PAX3: variants seen among roughly 807,000 people sequenced by gnomAD.
PAX3 encodes paired box protein Pax-3.
A neutral mutation model predicts 51.6 loss-of-function variants in PAX3; 14 were observed. The observed-to-expected ratio is 0.27, with a 90% CI of 0.18 to 0.42. The LOEUF (loss-of-function observed/expected upper bound fraction) is 0.42, where lower values mean the gene tolerates loss of function less well. PAX3 is among the 10% of genes least tolerant of loss of function. PAX3 has a pLI of 1.00. For synonymous variants in PAX3, 280 were observed against 253.4 expected, an observed-to-expected ratio of 1.11 and a Z score of -1.00; for missense variants, 540 against 642.8, an observed-to-expected ratio of 0.84 and a Z score of 1.73.
intron 7 of PAX3, 66 bp downstream of exon 7, chr2:222,220,074 C>T (rs1692124937): frequency 1.6e-5 from 22 of 1,358,160 alleles, no homozygotes; most frequent in Non-Finnish European, 2.3e-5. Context: ...TACACTACTG[C>T]CTCAGGGAAT....
intron 4 of PAX3, among the ~76,000 whole-genome samples, chr2:222,267,647 T>C (rs1694099856): frequency 6.6e-6 from 1 of 152,274 alleles, no homozygotes; most frequent in East Asian, 1.9e-4. Flanking sequence ...CCAAGACACC[T>C]AAGGAAATTT....
Position 222,297,208 on chromosome 2 carries a change from T to C in PAX3, c.91A>G (p.Thr31Ala), listed in dbSNP as rs763759876. ...PRSGFPLEVS[T>A]PLGQGRVNQL... ...TTGACGCGGCCCTGGCCGAGGGGAG[T>C]GGACACTGTGGGAAGGTGAAAAAGA... Residue 31 changes from threonine (T) to alanine (A), a missense_variant, in exon 2 of 9, where the codon ACT becomes GCT. By Grantham distance (58) the Thr-to-Ala change is moderately conservative. Coordinates refer to ENST00000392070, the MANE Select transcript of PAX3 (RefSeq NM_181458.4). 1.3e-6 allele frequency: 2 copies of C among 1,572,166 alleles called. No homozygotes were observed. The highest frequency in any genetic ancestry group is 1.7e-6 in the Non-Finnish European group (2 of 1,157,960).
At chr2:222,273,996 C>A (rs954113363) in intron 4 of PAX3, among the ~76,000 whole-genome samples, 2 of 151,986 alleles carry the variant, frequency 1.3e-5, no homozygotes, top group South Asian at 4.2e-4. Flanking sequence ...TTATTTGGTT[C>A]CTAGAAAAAT....
chr2:222,216,334 T>C (rs1423323999), intron 7 of PAX3, among the ~76,000 whole-genome samples: 1 of 152,310 alleles, frequency 6.6e-6, no homozygotes, highest in East Asian at 1.9e-4. Flanking sequence ...ATGAAAATAT[T>C]CCCCAGATAT....
Position 222,201,374 on chromosome 2 carries a change from CAG to C in PAX3, c.*32_*33del. The C allele has an allele frequency of 6.2e-7, 1 of 1,611,418 alleles. No homozygotes were observed. The highest frequency in any genetic ancestry group is 2.3e-5 in the East Asian group (1 of 44,278). On this transcript the variant is annotated 3_prime_UTR_variant, in exon 9 of 9. Coordinates refer to ENST00000392070, the MANE Select transcript of PAX3 (RefSeq NM_181458.4). ...ATATCTAGGCTGCGAAGACCAGAAA[CAG>C]GGCCAGTTTTAGCTCCAAGTGGACA... is the stretch of plus-strand genomic sequence containing the variant.
intron 4 of PAX3, among the ~76,000 whole-genome samples, chr2:222,253,422 T>C (rs1438677017): frequency 2.6e-5 from 4 of 152,160 alleles, no homozygotes; most frequent in Non-Finnish European, 5.9e-5. Flanking sequence ...CATTTTAGAG[T>C]ATGACTTAGC....
At chr2:222,243,515 G>A (rs1467821757) in intron 4 of PAX3, among the ~76,000 whole-genome samples, 1 of 152,220 alleles carries the variant, frequency 6.6e-6, no homozygotes, top group Non-Finnish European at 1.5e-5. Flanking sequence ...GCAAAAGAAA[G>A]TGTCAGTGTA....
intron 7 of PAX3, among the ~76,000 whole-genome samples, chr2:222,211,327 A>G (rs908463377): frequency 2.1e-4 from 32 of 152,192 alleles, no homozygotes; most frequent in Non-Finnish European, 3.2e-4. Flanking sequence ...TAGTTTAAAC[A>G]GTTTATGTGA....
intron 4 of PAX3, among the ~76,000 whole-genome samples, chr2:222,259,561 G>A (rs2106140872): frequency 6.6e-6 from 1 of 152,258 alleles, no homozygotes; most frequent in East Asian, 1.9e-4. Context: ...CACCGGTTGT[G>A]TTTAAAGAAA....
At chr2:222,289,790 C>T (rs747724748) in intron 4 of PAX3, among the ~76,000 whole-genome samples, 1 of 152,140 alleles carries the variant, frequency 6.6e-6, no homozygotes, top group Non-Finnish European at 1.5e-5. Context: ...TAGAACACGG[C>T]GTGGTGTTCT....
chr2:222,203,927 T>C lies in PAX3; in HGVS notation c.1174-1737A>G, dbSNP rs187776945. Among the ~76,000 whole-genome samples the C allele has an allele frequency of 2.6e-5, 4 of 152,310 alleles. No homozygotes were observed. The East Asian group carries it at 5.8e-4, about 22-fold the overall frequency. ...CCCAGAAATCCTGTTTTTCATTTTGTTGTCTCTCTTTCATTTGAGTTATTG... is the reference window on the plus strand; with the variant it reads ...CCCAGAAATCCTGTTTTTCATTTTGCTGTCTCTCTTTCATTTGAGTTATTG... On this transcript the variant is annotated intron_variant, in intron 7 of 8. Transcript: ENST00000392070.
intron 7 of PAX3, among the ~76,000 whole-genome samples, chr2:222,212,722 C>A (rs1044894942): frequency 6.6e-5 from 10 of 151,994 alleles, no homozygotes; most frequent in Non-Finnish European, 1.3e-4. Flanking sequence ...CACATTCATC[C>A]CCTAATTGAA....
At chr2:222,205,314 C>A (rs1363402867) in intron 7 of PAX3, among the ~76,000 whole-genome samples, 3 of 152,110 alleles carry the variant, frequency 2.0e-5, no homozygotes, top group African/African-American at 7.2e-5. Flanking sequence ...GGAAGGACAC[C>A]TGCAGGGTCT....
chr2:222,294,016 C>A, intron 4 of PAX3, 151 bp downstream of exon 4: 1 of 1,546,554 alleles, frequency 6.5e-7, no homozygotes, highest in South Asian at 1.3e-5. Context: ...TCTGGTCTTT[C>A]AGTTCCATGT....
chr2:222,248,991 G>A (rs570276784), intron 4 of PAX3, among the ~76,000 whole-genome samples: 3 of 152,076 alleles, frequency 2.0e-5, no homozygotes, highest in Non-Finnish European at 4.4e-5. Context: ...GTTAATTTTG[G>A]AGGCATTCAC....
At chr2:222,213,913 AC>A (rs1433079233) in intron 7 of PAX3, among the ~76,000 whole-genome samples, 3 of 152,306 alleles carry the variant, frequency 2.0e-5, no homozygotes, top group Middle Eastern at 3.4e-3. Flanking sequence ...AGCTGGCTGT[AC>A]CGCCAGGGTG....
chr2:222,278,095 T>C (rs1030672082), intron 4 of PAX3, among the ~76,000 whole-genome samples: 1 of 152,086 alleles, frequency 6.6e-6, no homozygotes, highest in Non-Finnish European at 1.5e-5. Flanking sequence ...CTGATTAAAA[T>C]GGTCCATGAA....
At chr2:222,203,965 CAT>C (rs1691406711) in intron 7 of PAX3, among the ~76,000 whole-genome samples, 1 of 152,106 alleles carries the variant, frequency 6.6e-6, no homozygotes, top group Non-Finnish European at 1.5e-5. Flanking sequence ...TATGCACACA[CAT>C]GGGAAGGTGG....
At chr2:222,222,732 A>C (rs991038258) in intron 5 of PAX3, among the ~76,000 whole-genome samples, 4 of 152,150 alleles carry the variant, frequency 2.6e-5, no homozygotes, top group Non-Finnish European at 5.9e-5. Flanking sequence ...GGTTGGAAGG[A>C]TATAAAGGGA....
Sources: allele counts gnomAD v4.1 joint callset (sites outside exome capture counted in the v4.1 genomes callset), GRCh38; gene constraint gnomAD v4.1.1; transcripts MANE v1.5; gene names NCBI Gene and HGNC (gene_info 2026-07-23, HGNC 2026-07-21).